SLC23A2: variants seen among roughly 807,000 people sequenced by gnomAD.
The protein encoded by SLC23A2 is solute carrier family 23 member 2, also known as Na(+)/L-ascorbic acid transporter 2.
In SLC23A2, 36 loss-of-function variants were observed where a neutral mutation model predicts 73.3. The observed-to-expected ratio is 0.49, with a 90% CI of 0.38 to 0.65. SLC23A2 has a LOEUF of 0.65. Ranked by LOEUF, SLC23A2 falls within the 30% of genes least tolerant of loss-of-function variation. The pLI, the probability that SLC23A2 is intolerant of heterozygous loss-of-function variation, is 0.00. For synonymous variants in SLC23A2, 343 were observed against 327.3 expected (o/e 1.05, Z -0.52); for missense variants, 507 against 841.6 (o/e 0.60, Z 4.92).
rs1930300290 is a variant in SLC23A2 at position 4,868,562 on chromosome 20, G to C, written c.1251-687C>G. 6.6e-6 allele frequency among the ~76,000 whole-genome samples: 1 copy of C among 152,208 alleles called. No individual in the cohort carries two copies. Among genetic ancestry groups the C allele is most frequent in the Non-Finnish European group, 1.5e-5 (1 of 68,036 alleles). Reference sequence around the variant, plus strand: ...GTCTATGGAAATAAAACATTGATGTGATCCTTTACTCTTAAAATCCAGTTT... The same window carrying C: ...GTCTATGGAAATAAAACATTGATGTCATCCTTTACTCTTAAAATCCAGTTT... On this transcript the variant is annotated intron_variant, in intron 12 of 16. Transcript: ENST00000338244. This position sits in a 1 kb window ranked among gnomAD's most constrained non-coding sequence, Gnocchi z 4.4.
At chr20:4,983,200 T>C (rs146323007) in intron 1 of SLC23A2, among the ~76,000 whole-genome samples, 1 of 152,072 alleles carries the variant, frequency 6.6e-6, no homozygotes, top group African/African-American at 2.4e-5. Flanking sequence ...GAGCTAAAAC[T>C]ATAAAATTCT....
chr20:5,001,620 C>A (rs1307037125), upstream of SLC23A2: 1 of 150,186 alleles, frequency 6.7e-6, no homozygotes, highest in Non-Finnish European at 1.5e-5. Flanking sequence ...GGCCTCCCCC[C>A]GGGGAGGGGC....
chr20:4,901,462 T>C (rs1931741401), intron 5 of SLC23A2, among the ~76,000 whole-genome samples: 1 of 152,128 alleles, frequency 6.6e-6, no homozygotes, highest in Non-Finnish European at 1.5e-5. Flanking sequence ...TCCAGGAGTG[T>C]GCATTTAAGA....
At chr20:4,936,326 T>C (rs1005063179) in intron 2 of SLC23A2, among the ~76,000 whole-genome samples, 3 of 152,242 alleles carry the variant, frequency 2.0e-5, no homozygotes, top group African/African-American at 7.2e-5. Context: ...GAAATACTGG[T>C]AGATTTTTAC....
intron 2 of SLC23A2, among the ~76,000 whole-genome samples, chr20:4,966,214 A>G (rs2087472480): frequency 6.6e-6 from 1 of 152,196 alleles, no homozygotes; most frequent in Non-Finnish European, 1.5e-5. Context: ...CAGGCAACAG[A>G]AAATCTAAAT....
intron 6 of SLC23A2, among the ~76,000 whole-genome samples, chr20:4,889,067 C>G (rs181793699): frequency 1.3e-5 from 2 of 152,264 alleles, no homozygotes; most frequent in African/African-American, 4.8e-5. Context: ...TAAGCAGATA[C>G]GACGATGGAA....
intron 3 of SLC23A2, among the ~76,000 whole-genome samples, chr20:4,930,576 T>A (rs1932777881): frequency 6.6e-6 from 1 of 152,182 alleles, no homozygotes; most frequent in Admixed American, 6.5e-5. Context: ...CCCAGCATTT[T>A]GGGAGGCCAA....
upstream of SLC23A2, among the ~76,000 whole-genome samples, chr20:5,004,452 T>A (rs77639200): frequency 7.2e-5 from 11 of 152,166 alleles, no homozygotes; most frequent in African/African-American, 2.4e-4. Context: ...CCTGTTGGAC[T>A]CAAGACTAAT....
chr20:4,892,155 G>A (rs774904513), intron 6 of SLC23A2, among the ~76,000 whole-genome samples: 3 of 152,104 alleles, frequency 2.0e-5, no homozygotes, highest in African/African-American at 4.8e-5. Flanking sequence ...GAGCCCAGCC[G>A]CCTCTGCATC....
intron 6 of SLC23A2, among the ~76,000 whole-genome samples, chr20:4,894,906 G>A (rs1040512306): frequency 3.1e-4 from 47 of 152,248 alleles, no homozygotes; most frequent in African/African-American, 6.5e-4. Context: ...TGTGAAATGA[G>A]GGGGACGACT....
intron 2 of SLC23A2, among the ~76,000 whole-genome samples, chr20:4,963,838 ACT>A (rs1241263833): frequency 1.3e-5 from 2 of 152,072 alleles, no homozygotes; most frequent in Non-Finnish European, 2.9e-5. Flanking sequence ...ACATAGTGAG[ACT>A]CTGTCTCAAA....
intron 6 of SLC23A2, among the ~76,000 whole-genome samples, chr20:4,897,849 C>G (rs966855158): frequency 2.6e-5 from 4 of 152,202 alleles, no homozygotes; most frequent in African/African-American, 9.7e-5. Flanking sequence ...AGCTTTCATC[C>G]CCTATTCAGG....
chr20:4,982,935 G>A (rs934346413), intron 1 of SLC23A2, among the ~76,000 whole-genome samples: 1 of 151,940 alleles, frequency 6.6e-6, no homozygotes, highest in African/African-American at 2.4e-5. Context: ...GAGAAACCCT[G>A]TCTCTACTAA....
At chr20:4,939,861 A>G (rs1235996394) in intron 2 of SLC23A2, among the ~76,000 whole-genome samples, 1 of 152,256 alleles carries the variant, frequency 6.6e-6, no homozygotes, top group Admixed American at 6.5e-5. Context: ...ACTGAGGGAC[A>G]TAAAAAGGAT....
chr20:4,992,473 A>T (rs1233237962), intron 1 of SLC23A2, among the ~76,000 whole-genome samples: 3 of 151,638 alleles, frequency 2.0e-5, no homozygotes, highest in Non-Finnish European at 4.4e-5. Context: ...TAGGGATAAC[A>T]AAGCCATGGG....
At chr20:4,962,967 C>A (rs970713339) in intron 2 of SLC23A2, among the ~76,000 whole-genome samples, 2 of 152,130 alleles carry the variant, frequency 1.3e-5, no homozygotes, top group Non-Finnish European at 2.9e-5. Flanking sequence ...CCACTGCACT[C>A]CAGCCTGGGT....
intron 8 of SLC23A2, among the ~76,000 whole-genome samples, chr20:4,884,186 C>T (rs369152089): frequency 1.6e-4 from 25 of 152,262 alleles, no homozygotes; most frequent in South Asian, 8.3e-4. Flanking sequence ...AAAGAGTGAG[C>T]CCCCCAGGAC....
intron 13 of SLC23A2, among the ~76,000 whole-genome samples, chr20:4,864,751 A>G (rs535503055): frequency 1.4e-4 from 22 of 152,214 alleles, no homozygotes; most frequent in African/African-American, 5.1e-4. Flanking sequence ...AAATCTGAAG[A>G]GTTGGGGAGG....
chr20:4,991,556 T>C (rs2087922439), intron 1 of SLC23A2, among the ~76,000 whole-genome samples: 1 of 152,032 alleles, frequency 6.6e-6, no homozygotes, highest in African/African-American at 2.4e-5. Context: ...ACCCCATCTC[T>C]ACTAAAAATA....
Sources: allele counts gnomAD v4.1 joint callset (sites outside exome capture counted in the v4.1 genomes callset), GRCh38; gene constraint gnomAD v4.1.1; non-coding constraint Gnocchi (gnomAD v3.1); transcripts MANE v1.5; gene names NCBI Gene and HGNC (gene_info 2026-07-23, HGNC 2026-07-21).